BRIP1: variants seen among roughly 807,000 people sequenced by gnomAD.
BRIP1 encodes the protein Fanconi anemia group J protein.
Under a neutral mutation model 119.7 loss-of-function variants are expected in BRIP1, and 88 were observed. The observed-to-expected ratio is 0.74, with a 90% CI of 0.62 to 0.88. The LOEUF is 0.88. Ranked by LOEUF, BRIP1 falls within the 40% of genes least tolerant of loss-of-function variation. The pLI is 0.00. For synonymous variants in BRIP1, 443 were observed against 496.5 expected (o/e 0.89, Z 1.43); for missense variants, 1,259 against 1,455.4 (o/e 0.87, Z 2.20).
chr17:61,715,457 G>T (rs1164150099), intron 17 of BRIP1, among the ~76,000 whole-genome samples: 1 of 151,990 alleles, frequency 6.6e-6, no homozygotes, highest in African/African-American at 2.4e-5. Flanking sequence ...CAGTAAAATA[G>T]ATTTTGTTTC....
At position 61,857,176 on chromosome 17, in the gene BRIP1, A is replaced by G. The variant is rs2145829877; in HGVS notation, c.261T>C (p.Cys87=). The G allele has an allele frequency of 6.2e-7, 1 of 1,613,960 alleles. No individual in the cohort carries two copies. The highest frequency in any genetic ancestry group is 8.5e-7 in the Non-Finnish European group (1 of 1,179,792). The part of the protein sequence containing the change: ...SEKAEVQLSC[C]CACHSKDFTN... ...TAAAATCCTTTGAATGGCATGCACA[A>G]CAACATGACAATTGTACTTCAGCTT... is the stretch of plus-strand genomic sequence containing the variant. Residue 87 remains cysteine (C), a synonymous_variant, in exon 4 of 20, where the codon TGT becomes TGC. Coordinates refer to ENST00000259008, the MANE Select transcript of BRIP1 (RefSeq NM_032043.3). The surrounding 1 kb of genome is among the most constrained non-coding windows in gnomAD (Gnocchi z 5.1).
rs1435696875 is a variant in BRIP1, at chr17:61,852,986, T to C, written c.380-3730A>G. ...AACATATGTATATACTATGACCAGG[T>C]ATGTGTCTACAGACAATACTTACCT... On this transcript the variant is annotated intron_variant, in intron 4 of 19. Transcript: ENST00000259008. The surrounding 1 kb of genome is among the most constrained non-coding windows in gnomAD (Gnocchi z 4.9). Among the ~76,000 whole-genome samples the C allele has an allele frequency of 6.6e-6, 1 of 152,174 alleles. No individual in the cohort carries two copies. Among genetic ancestry groups the C allele is most frequent in the African/African-American group, 2.4e-5 (1 of 41,446 alleles).
At position 61,736,679 on chromosome 17, in the gene BRIP1, C is replaced by G. The variant is rs935479444; in HGVS notation, c.2379+6334G>C. On this transcript the variant is annotated intron_variant, in intron 16 of 19. Transcript: ENST00000259008. The surrounding 1 kb of genome is among the most constrained non-coding windows in gnomAD (Gnocchi z 4.4). Reference sequence around the variant, plus strand: ...CAATTTTAACAACTTCTACTAAAACCCCATTCAATCATTAACTAAAACATT... The same window carrying G: ...CAATTTTAACAACTTCTACTAAAACGCCATTCAATCATTAACTAAAACATT... Among the ~76,000 whole-genome samples, 2 of 152,054 alleles carry G rather than the reference C, an allele frequency of 1.3e-5. No individual in the cohort carries two copies. The highest frequency in any genetic ancestry group is 2.9e-5 in the Non-Finnish European group (2 of 67,996).
Position 61,789,777 on chromosome 17 carries a change from ATG to A in BRIP1, c.1473+3818_1473+3819del, listed in dbSNP as rs1459705312. ...GTTAAATTAAAAGAGGGTAAAACAA[ATG>A]TGTCATATCAGAAATATATTTATAA... On this transcript the variant is annotated intron_variant, in intron 10 of 19. Transcript: ENST00000259008. This position sits in a 1 kb window ranked among gnomAD's most constrained non-coding sequence, Gnocchi z 4.8. 6.6e-6 allele frequency among the ~76,000 whole-genome samples: 1 copy of A among 152,138 alleles called. No individual in the cohort carries two copies. The highest frequency in any genetic ancestry group is 1.5e-5 in the Non-Finnish European group (1 of 68,004).
rs903263150 is a variant in BRIP1 at position 61,862,530 on chromosome 17, C to G, written c.-31+754G>C. On this transcript the variant is annotated intron_variant, in intron 1 of 19. Coordinates refer to ENST00000259008, the MANE Select transcript of BRIP1 (RefSeq NM_032043.3). This position sits in a 1 kb window ranked among gnomAD's most constrained non-coding sequence, Gnocchi z 5.3. The stretch of plus-strand genomic sequence containing the variant: ...ACCTCTTCTAAACCACTTTTCTTAA[C>G]CTAGGATCCACGGATGTAATTCAGA... 3.9e-5 allele frequency among the ~76,000 whole-genome samples: 6 copies of G among 152,160 alleles called. No homozygotes were observed. The highest frequency in any genetic ancestry group is 3.3e-4 in the Admixed American group (5 of 15,272).
intron 4 of BRIP1, among the ~76,000 whole-genome samples, 193 bp from the exon 5 acceptor site, chr17:61,849,449 T>A (rs961097417): frequency 2.0e-5 from 3 of 148,748 alleles, no homozygotes; most frequent in Non-Finnish European, 1.5e-5. Flanking sequence ...CTGAGAAACA[T>A]GCTTTCAATA....
At chr17:61,765,829 GCACACACACA>G (rs71150698) in intron 14 of BRIP1, among the ~76,000 whole-genome samples, 1 of 146,426 alleles carries the variant, frequency 6.8e-6, no homozygotes, top group Non-Finnish European at 1.5e-5. Flanking sequence ...CTATATTCAT[GCACACACACA>G]CACACACACA....
chr17:61,815,388 C>G lies in BRIP1; in HGVS notation c.628-6631G>C, dbSNP rs1231515133. ...GACTGATTTGGGTTAGGGCTTTATTCCAGAATTTATATCTGGTTTTTTAAC... is the reference window on the plus strand; with the variant it reads ...GACTGATTTGGGTTAGGGCTTTATTGCAGAATTTATATCTGGTTTTTTAAC... On this transcript the variant is annotated intron_variant, in intron 6 of 19. Coordinates refer to ENST00000259008, the MANE Select transcript of BRIP1 (RefSeq NM_032043.3). This position sits in a 1 kb window ranked among gnomAD's most constrained non-coding sequence, Gnocchi z 4.1. Among the ~76,000 whole-genome samples the G allele has an allele frequency of 6.6e-6, 1 of 152,052 alleles. No individual in the cohort carries two copies. Among genetic ancestry groups the G allele is most frequent in the Non-Finnish European group, 1.5e-5 (1 of 67,986 alleles).
chr17:61,789,743 CA>C lies in BRIP1; in HGVS notation c.1473+3853del, dbSNP rs1379108914. 6.6e-6 allele frequency among the ~76,000 whole-genome samples: 1 copy of C among 151,846 alleles called. No individual in the cohort carries two copies. Among genetic ancestry groups the C allele is most frequent in the Admixed American group, 6.6e-5 (1 of 15,246 alleles). On this transcript the variant is annotated intron_variant, in intron 10 of 19. Transcript: ENST00000259008. This position sits in a 1 kb window ranked among gnomAD's most constrained non-coding sequence, Gnocchi z 4.8. Reference sequence around the variant, plus strand: ...CTTTACTTAAATAGGAAAGTATACACAATATATTGTTAAATTAAAAGAGGGT... The same window carrying C: ...CTTTACTTAAATAGGAAAGTATACACATATATTGTTAAATTAAAAGAGGGT...
intron 4 of BRIP1, among the ~76,000 whole-genome samples, chr17:61,854,110 A>C: frequency 6.6e-6 from 1 of 151,822 alleles, no homozygotes; most frequent in South Asian, 2.1e-4. Context: ...ACCAACAAAA[A>C]CTATAAAAAT....
chr17:61,720,324 C>T lies in BRIP1; in HGVS notation c.2380-4261G>A, dbSNP rs191680191. Among the ~76,000 whole-genome samples the T allele has an allele frequency of 5.3e-4, 80 of 152,268 alleles. No individual in the cohort carries two copies. The highest frequency in any genetic ancestry group is 1.8e-3 in the African/African-American group (74 of 41,564). The stretch of plus-strand genomic sequence containing the variant: ...TGACAGATACGCTAATTACCCTGAT[C>T]TAATCAATAAACATCATATGTATCA... On this transcript the variant is annotated intron_variant, in intron 16 of 19. Transcript: ENST00000259008. This position sits in a 1 kb window ranked among gnomAD's most constrained non-coding sequence, Gnocchi z 4.3.
chr17:61,819,387 C>G (rs2078287150), intron 6 of BRIP1, among the ~76,000 whole-genome samples: 1 of 151,990 alleles, frequency 6.6e-6, no homozygotes, highest in African/African-American at 2.4e-5. Flanking sequence ...GGTGTATATC[C>G]AAAAGAAAGA....
Position 61,769,032 on chromosome 17 carries a change from A to T in BRIP1, c.2097+7369T>A, listed in dbSNP as rs2077410828. On this transcript the variant is annotated intron_variant, in intron 14 of 19. Coordinates refer to ENST00000259008, the MANE Select transcript of BRIP1 (RefSeq NM_032043.3). The surrounding 1 kb of genome is among the most constrained non-coding windows in gnomAD (Gnocchi z 4.9). ...CTGAATGCAACCTTTAAGACCTAAG[A>T]GTCATCCTTAGCCAACAGCCCGCAA... is the stretch of plus-strand genomic sequence containing the variant. Among the ~76,000 whole-genome samples, 1 of 152,168 alleles carries T rather than the reference A, an allele frequency of 6.6e-6. No individual in the cohort carries two copies.
rs974880174 is a variant in BRIP1 at position 61,846,647 on chromosome 17, A to G, written c.627+454T>C. Among the ~76,000 whole-genome samples, 7 of 152,112 alleles carry G rather than the reference A, an allele frequency of 4.6e-5. No homozygotes were observed. The highest frequency in any genetic ancestry group is 2.0e-4 in the Admixed American group (3 of 15,280). On this transcript the variant is annotated intron_variant, in intron 6 of 19. Transcript: ENST00000259008. This position sits in a 1 kb window ranked among gnomAD's most constrained non-coding sequence, Gnocchi z 4.3. ...AGTGATCCACCCGCCTTGGCCTCCC[A>G]AAGTGCTGGGATTACAGGCGTGAGC...
chr17:61,705,249 T>C lies in BRIP1; in HGVS notation c.2492+10702A>G, dbSNP rs976938547. 6.6e-6 allele frequency among the ~76,000 whole-genome samples: 1 copy of C among 152,172 alleles called. No individual in the cohort carries two copies. The highest frequency in any genetic ancestry group is 2.4e-5 in the African/African-American group (1 of 41,468). ...GGATAATGGCCTCCAGTTGCATCCATGTTGCGGCAAGGACATGATTTCATT... is the reference window on the plus strand; with the variant it reads ...GGATAATGGCCTCCAGTTGCATCCACGTTGCGGCAAGGACATGATTTCATT... On this transcript the variant is annotated intron_variant, in intron 17 of 19. Transcript: ENST00000259008. The surrounding 1 kb of genome is among the most constrained non-coding windows in gnomAD (Gnocchi z 5.0).
Position 61,794,420 on chromosome 17 carries a change from C to A in BRIP1, c.1341-691G>T, listed in dbSNP as rs567147067. 1.3e-5 allele frequency among the ~76,000 whole-genome samples: 2 copies of A among 152,066 alleles called. No individual in the cohort carries two copies. Among genetic ancestry groups the A allele is most frequent in the East Asian group, 3.9e-4 (2 of 5,178 alleles). Reference sequence around the variant, plus strand: ...ACATAGATGGAGCTGGAGATCATATCCTTAGCAAACTAATGCAGGAACAGA... The same window carrying A: ...ACATAGATGGAGCTGGAGATCATATACTTAGCAAACTAATGCAGGAACAGA... On this transcript the variant is annotated intron_variant, in intron 9 of 19. Transcript: ENST00000259008. This position sits in a 1 kb window ranked among gnomAD's most constrained non-coding sequence, Gnocchi z 4.3.
rs1247662694 is a variant in BRIP1, at chr17:61,852,940, TGTCA to T, written c.380-3688_380-3685del. Among the ~76,000 whole-genome samples the T allele has an allele frequency of 1.3e-5, 2 of 152,196 alleles. No homozygotes were observed. Among genetic ancestry groups the T allele is most frequent in the Non-Finnish European group, 2.9e-5 (2 of 68,026 alleles). Reference sequence around the variant, plus strand: ...TTGATTCAACCACTTTAGAAAATGTTGTCAGTATCTACTATAGCTGAACATATGT... The same window carrying T: ...TTGATTCAACCACTTTAGAAAATGTTGTATCTACTATAGCTGAACATATGT... On this transcript the variant is annotated intron_variant, in intron 4 of 19. Coordinates refer to ENST00000259008, the MANE Select transcript of BRIP1 (RefSeq NM_032043.3). This position sits in a 1 kb window ranked among gnomAD's most constrained non-coding sequence, Gnocchi z 4.9.
At position 61,861,688 on chromosome 17, in the gene BRIP1, C is replaced by A; in HGVS notation, c.-30-119G>T. Reference sequence around the variant, plus strand: ...GGAATTAATAAAAGTATAAACAAAACAAATGGAAACAAAATAATTTCCTAG... The same window carrying A: ...GGAATTAATAAAAGTATAAACAAAAAAAATGGAAACAAAATAATTTCCTAG... On this transcript the variant is annotated intron_variant, in intron 1 of 19. Coordinates refer to ENST00000259008, the MANE Select transcript of BRIP1 (RefSeq NM_032043.3). This position sits in a 1 kb window ranked among gnomAD's most constrained non-coding sequence, Gnocchi z 4.5. 1 of 669,078 alleles carries A rather than the reference C, an allele frequency of 1.5e-6. No individual in the cohort carries two copies. Among genetic ancestry groups the A allele is most frequent in the Non-Finnish European group, 2.7e-6 (1 of 375,328 alleles). The allele number at this position is 669,078 out of a possible 1,614,324, so 41.4% of individuals were successfully genotyped here.
In BRIP1 at chr17:61,770,620, G is replaced by A. The variant is rs1203602505; in HGVS notation, c.2097+5781C>T. Among the ~76,000 whole-genome samples the A allele has an allele frequency of 6.6e-6, 1 of 151,336 alleles. No homozygotes were observed. Among genetic ancestry groups the A allele is most frequent in the African/African-American group, 2.4e-5 (1 of 41,202 alleles). ...ATTTTTATAATAATGACACAAAGAA[G>A]GTAGGATTAAAAAAACAGCTACATA... On this transcript the variant is annotated intron_variant, in intron 14 of 19. Coordinates refer to ENST00000259008, the MANE Select transcript of BRIP1 (RefSeq NM_032043.3). This position sits in a 1 kb window ranked among gnomAD's most constrained non-coding sequence, Gnocchi z 4.7.
Sources: gnomAD v4.1 joint callset for allele counts (sites outside exome capture counted in the v4.1 genomes callset) on GRCh38, gnomAD v4.1.1 for gene constraint, Gnocchi (gnomAD v3.1) non-coding constraint, MANE v1.5 for transcripts, NCBI Gene and HGNC (gene_info 2026-07-23, HGNC 2026-07-21) for gene names.